The following C9orf40 variants were observed in gnomAD, a reference collection of about 807,000 sequenced individuals.
C9orf40 encodes uncharacterized protein C9orf40.
C9orf40 carries 2 observed loss-of-function variants against 7.9 expected under a neutral mutation model. That is an observed-to-expected ratio of 0.25 (90% CI 0.10 to 0.80). The LOEUF is 0.80. Ranked by LOEUF, C9orf40 falls within the 30% of genes least tolerant of loss-of-function variation. The probability of loss-of-function intolerance (pLI) is 0.68; values close to 1 mark genes in which losing one functional copy is unlikely to be tolerated. For synonymous variants in C9orf40, 113 were observed against 117.6 expected (o/e 0.96, Z 0.25); for missense variants, 256 against 268.5 (o/e 0.95, Z 0.33).
At chr9:74,948,351 A>G in intron 1 of C9orf40, 145 bp from the exon 2 acceptor site, 1 of 513,280 alleles carries the variant, frequency 1.9e-6, no homozygotes, top group Non-Finnish European at 3.4e-6. Context: ...TACATTTTAA[A>G]TTTTGTCTCA....
chr9:74,952,130 G>T lies in C9orf40; in HGVS notation c.426+56C>A. 1 of 608,672 alleles carries T rather than the reference G, an allele frequency of 1.6e-6. No individual in the cohort carries two copies. The highest frequency in any genetic ancestry group is 2.4e-6 in the Non-Finnish European group (1 of 416,086). 37.7% of individuals were successfully genotyped at this position (608,672 alleles called of 1,614,324 possible). A position where few individuals can be genotyped will look rare whatever the true frequency, so the allele number is the denominator to read the frequency against. On this transcript the variant is annotated intron_variant, in intron 1 of 1. Coordinates refer to ENST00000376854, the MANE Select transcript of C9orf40 (RefSeq NM_017998.3). This position sits in a 1 kb window ranked among gnomAD's most constrained non-coding sequence, Gnocchi z 5.4. The stretch of plus-strand genomic sequence containing the variant: ...GAGTGGGAACCGGGGCGTTTTGTGT[G>T]TGTGGGGAAAAGGCAAGCCCCTTCG...
intron 1 of C9orf40, 150 bp from the exon 2 acceptor site, chr9:74,948,356 G>A (rs1832264154): frequency 5.9e-6 from 3 of 504,368 alleles, no homozygotes; most frequent in Non-Finnish European, 6.9e-6. Flanking sequence ...TTTAAATTTT[G>A]TCTCATCTAA....
At chr9:74,948,324 T>C (rs1304673344) in intron 1 of C9orf40, 118 bp from the exon 2 acceptor site, 1 of 615,714 alleles carries the variant, frequency 1.6e-6, no homozygotes, top group Non-Finnish European at 2.7e-6. Context: ...TCTTCTATTT[T>C]GTATTTTTAA....
At chr9:74,950,314 C>G (rs1035183088) in intron 1 of C9orf40, among the ~76,000 whole-genome samples, 4 of 152,216 alleles carry the variant, frequency 2.6e-5, no homozygotes, top group Admixed American at 2.0e-4. Flanking sequence ...AGAACTCTTA[C>G]GCTTTGCCTA....
Position 74,947,775 on chromosome 9 carries a change from A to T in C9orf40, c.*273T>A, listed in dbSNP as rs138629715. 4.9e-4 allele frequency: 125 copies of T among 254,362 alleles called. 1 individual carries two copies. The East Asian group carries it at 9.1e-3, about 19-fold the overall frequency. The allele number at this position is 254,362 out of a possible 1,614,324, so 15.8% of individuals were successfully genotyped here. On this transcript the variant is annotated 3_prime_UTR_variant, in exon 2 of 2. Transcript: ENST00000376854. ...TGCTAGAATTTCTTTTTATAAGATC[A>T]GTACCTTCAATTCTAGAATTTAAAC... is the stretch of plus-strand genomic sequence containing the variant.
rs201915724 is a variant in C9orf40 at position 74,950,563 on chromosome 9, G to A, written c.426+1623C>T. 9.6e-5 allele frequency among the ~76,000 whole-genome samples: 14 copies of A among 145,730 alleles called. No homozygotes were observed. The East Asian group carries it at 2.8e-3, about 29-fold the overall frequency. The stretch of plus-strand genomic sequence containing the variant: ...TATCTGAGAGCAATCTGAAGAAAAA[G>A]TTTAAATAAGGCTCATGTTTCAACC... On this transcript the variant is annotated intron_variant, in intron 1 of 1. Coordinates refer to ENST00000376854, the MANE Select transcript of C9orf40 (RefSeq NM_017998.3).
chr9:74,952,691 G>A lies in C9orf40; in HGVS notation c.-80C>T. On this transcript the variant is annotated 5_prime_UTR_variant, in exon 1 of 2. Coordinates refer to ENST00000376854, the MANE Select transcript of C9orf40 (RefSeq NM_017998.3). The surrounding 1 kb of genome is among the most constrained non-coding windows in gnomAD (Gnocchi z 5.4). ...CTGCGGGGGGCGAAGAGCGAGGACT[G>A]AGCGCGTGAGAGAGGGACAGGCCGA... The A allele has an allele frequency of 7.6e-7, 1 of 1,319,912 alleles. No individual in the cohort carries two copies. 81.8% of individuals were successfully genotyped at this position (1,319,912 alleles called of 1,614,324 possible). A position where few individuals can be genotyped will look rare whatever the true frequency, so the allele number is the denominator to read the frequency against.
chr9:74,951,436 C>A (rs1026802783), intron 1 of C9orf40, among the ~76,000 whole-genome samples: 1 of 152,108 alleles, frequency 6.6e-6, no homozygotes, highest in Non-Finnish European at 1.5e-5. Context: ...TGATTACGGG[C>A]ATACACCACC....
rs755841732 is a variant in C9orf40, at chr9:74,952,735, C to A, written c.-124G>T. ...AGGCCGAAGTCGGGCGAGGAGGCGA[C>A]AGGACGCTGGAGGGGGTAGGGCGGG... On this transcript the variant is annotated 5_prime_UTR_variant, in exon 1 of 2. Coordinates refer to ENST00000376854, the MANE Select transcript of C9orf40 (RefSeq NM_017998.3). The surrounding 1 kb of genome is among the most constrained non-coding windows in gnomAD (Gnocchi z 5.4). 3 of 901,528 alleles carry A rather than the reference C, an allele frequency of 3.3e-6. No individual in the cohort carries two copies. The highest frequency in any genetic ancestry group is 4.9e-6 in the Non-Finnish European group (3 of 618,306). The allele number at this position is 901,528 out of a possible 1,614,324, so 55.8% of individuals were successfully genotyped here.
In C9orf40 at chr9:74,947,118, A is replaced by G. The variant is rs1266901834; in HGVS notation, c.*930T>C. 1 of 152,560 alleles carries G rather than the reference A, an allele frequency of 6.6e-6. No homozygotes were observed. Among genetic ancestry groups the G allele is most frequent in the African/African-American group, 2.4e-5 (1 of 41,468 alleles). 9.5% of individuals were successfully genotyped at this position (152,560 alleles called of 1,614,324 possible). Reference sequence around the variant, plus strand: ...TCTCCTTTAAACAGGAAAAACGACCATTAGTCTACTGGTTCTCAACCCTGT... The same window carrying G: ...TCTCCTTTAAACAGGAAAAACGACCGTTAGTCTACTGGTTCTCAACCCTGT... On this transcript the variant is annotated 3_prime_UTR_variant, in exon 2 of 2. Coordinates refer to ENST00000376854, the MANE Select transcript of C9orf40 (RefSeq NM_017998.3).
intron 1 of C9orf40, among the ~76,000 whole-genome samples, chr9:74,950,919 A>T (rs1056970554): frequency 6.6e-5 from 10 of 152,242 alleles, no homozygotes. Context: ...AACATAATTT[A>T]AAATTTTCTA....
chr9:74,952,289 G>A lies in C9orf40; in HGVS notation c.323C>T (p.Pro108Leu). 2 of 1,305,140 alleles carry A rather than the reference G, an allele frequency of 1.5e-6. No individual in the cohort carries two copies. Among genetic ancestry groups the A allele is most frequent in the Non-Finnish European group, 9.7e-7 (1 of 1,030,390 alleles). 80.8% of individuals were successfully genotyped at this position (1,305,140 alleles called of 1,614,324 possible). Residue 108 changes from proline to leucine, a missense_variant, in exon 1 of 2, where the codon CCG (proline) becomes CTG (leucine). Coordinates refer to ENST00000376854, the MANE Select transcript of C9orf40 (RefSeq NM_017998.3). The surrounding 1 kb of genome is among the most constrained non-coding windows in gnomAD (Gnocchi z 5.4). ...PLPPPPVLPGPGEELPGARLP... is the reference protein window; with the variant it reads ...PLPPPPVLPGLGEELPGARLP... ...CCGGGCGCCCGGGAGCTCCTCCCCC[G>A]GCCCCGGCAGTACGGGCGGCGGCGG...
rs1482220281 is a variant in C9orf40, at chr9:74,946,952, T to C, written c.*1096A>G. 2.0e-5 allele frequency: 3 copies of C among 152,204 alleles called. No homozygotes were observed. Among genetic ancestry groups the C allele is most frequent in the Non-Finnish European group, 4.4e-5 (3 of 68,036 alleles). The allele number at this position is 152,204 out of a possible 1,614,324, so 9.4% of individuals were successfully genotyped here. ...AAAAGTTAGTTAACTTAATCACTGA[T>C]ACTCACATCACAAATTGCTTACTTT... On this transcript the variant is annotated 3_prime_UTR_variant, in exon 2 of 2. Coordinates refer to ENST00000376854, the MANE Select transcript of C9orf40 (RefSeq NM_017998.3).
At position 74,952,317 on chromosome 9, in the gene C9orf40, GC is replaced by G; in HGVS notation, c.294del (p.Leu99CysfsTer73). 7.2e-7 allele frequency: 1 copy of G among 1,393,062 alleles called. No individual in the cohort carries two copies. Among genetic ancestry groups the G allele is most frequent in the Admixed American group, 3.0e-5 (1 of 33,144 alleles). The allele number at this position is 1,393,062 out of a possible 1,614,324, so 86.3% of individuals were successfully genotyped here. On this transcript the variant is annotated frameshift_variant, in exon 1 of 2. Transcript: ENST00000376854. LOFTEE classifies it high-confidence loss of function. The surrounding 1 kb of genome is among the most constrained non-coding windows in gnomAD (Gnocchi z 5.4). ...CCCGGCAGTACGGGCGGCGGCGGCAGCGGCGGATCGCCTGTCTCCAGACCGT... is the reference window on the plus strand; with the variant it reads ...CCCGGCAGTACGGGCGGCGGCGGCAGGGCGGATCGCCTGTCTCCAGACCGT... Reference protein sequence around the residue: ...EDHGLETGDPPLPPPPVLPGP... With the variant: ...EDHGLETGDPXLPPPPVLPGP...
chr9:74,949,984 C>CAAA (rs544322010), intron 1 of C9orf40, among the ~76,000 whole-genome samples: 1 of 144,688 alleles, frequency 6.9e-6, no homozygotes, highest in Non-Finnish European at 1.5e-5. Context: ...CCCATCTCCA[C>CAAA]AAAAAAAAAA....
At chr9:74,949,428 G>C (rs775954026) in intron 1 of C9orf40, among the ~76,000 whole-genome samples, 1 of 152,038 alleles carries the variant, frequency 6.6e-6, no homozygotes, top group Non-Finnish European at 1.5e-5. Flanking sequence ...AATCTACATA[G>C]TGACACTAAC....
In C9orf40 at chr9:74,947,829, T is replaced by C. The variant is rs1291116826; in HGVS notation, c.*219A>G. 9 of 371,594 alleles carry C rather than the reference T, an allele frequency of 2.4e-5. No individual in the cohort carries two copies. The highest frequency in any genetic ancestry group is 4.3e-5 in the Non-Finnish European group (9 of 210,630). 23.0% of individuals were successfully genotyped at this position (371,594 alleles called of 1,614,324 possible). A position where few individuals can be genotyped will look rare whatever the true frequency, so the allele number is the denominator to read the frequency against. ...ACTTTTTGCTCTAAGAATGCATACA[T>C]AAAATACTTCCCCTACAACTGTACT... is the stretch of plus-strand genomic sequence containing the variant. On this transcript the variant is annotated 3_prime_UTR_variant, in exon 2 of 2. Transcript: ENST00000376854.
intron 1 of C9orf40, among the ~76,000 whole-genome samples, chr9:74,949,283 C>T (rs1184759231): frequency 6.6e-6 from 1 of 152,120 alleles, no homozygotes; most frequent in Admixed American, 6.6e-5. Flanking sequence ...GTAATCCCAG[C>T]ACTTTGGGAG....
chr9:74,951,766 T>C (rs1832302283), intron 1 of C9orf40, among the ~76,000 whole-genome samples: 1 of 152,238 alleles, frequency 6.6e-6, no homozygotes, highest in Non-Finnish European at 1.5e-5. Context: ...AAAAGAACTC[T>C]ATCCCGAATT....
Sources: allele counts gnomAD v4.1 joint callset (sites outside exome capture counted in the v4.1 genomes callset), GRCh38; gene constraint gnomAD v4.1.1; non-coding constraint Gnocchi (gnomAD v3.1); transcripts MANE v1.5; gene names NCBI Gene and HGNC (gene_info 2026-07-23, HGNC 2026-07-21).